Variants in CACNG1 observed in about 807,000 individuals in gnomAD.
CACNG1 encodes the protein calcium voltage-gated channel auxiliary subunit gamma 1.
In CACNG1, 21 loss-of-function variants were observed where a neutral mutation model predicts 22.0. The ratio of observed to expected loss-of-function variants is 0.95; its 90% confidence interval spans 0.68 to 1.37. The LOEUF is 1.37. Among genes scored for constraint, CACNG1 ranks in the 40% most tolerant of loss-of-function variants. The pLI, the probability that CACNG1 is intolerant of heterozygous loss-of-function variation, is 0.00. For missense variants in CACNG1, 291 were observed against 308.6 expected (o/e 0.94, Z 0.43); for synonymous variants, 127 against 129.2 (o/e 0.98, Z 0.12).
chr17:67,056,124 C>G lies in CACNG1; in HGVS notation c.522C>G (p.Ile174Met). ...TTGACAGTGAGGACACCGTCTGGAT[C>G]GAGTACTATTACTCCTGGTCCTTTG... ...RMIDSEDTVW[I>M]EYYYSWSFAC... Residue 174 changes from isoleucine (I) to methionine (M), a missense_variant, in exon 4 of 4, where the codon ATC becomes ATG. Coordinates refer to ENST00000226021, the MANE Select transcript of CACNG1 (RefSeq NM_000727.4). This position sits in a 1 kb window ranked among gnomAD's most constrained non-coding sequence, Gnocchi z 4.3. 1.2e-6 allele frequency: 2 copies of G among 1,613,718 alleles called. No individual in the cohort carries two copies. The highest frequency in any genetic ancestry group is 1.7e-6 in the Non-Finnish European group (2 of 1,179,938).
intron 1 of CACNG1, among the ~76,000 whole-genome samples, chr17:67,053,299 A>G (rs1405287522): frequency 2.6e-5 from 4 of 152,234 alleles, no homozygotes; most frequent in Non-Finnish European, 5.9e-5. Flanking sequence ...AGGGGCCTGG[A>G]GCAGGGTTCC....
chr17:67,050,322 G>T (rs2035721179), intron 1 of CACNG1, among the ~76,000 whole-genome samples: 1 of 152,258 alleles, frequency 6.6e-6, no homozygotes, highest in Non-Finnish European at 1.5e-5. Flanking sequence ...CCATGGAAGA[G>T]CAGTGCTCTG....
At chr17:67,051,297 G>C (rs2035726763) in intron 1 of CACNG1, among the ~76,000 whole-genome samples, 1 of 152,150 alleles carries the variant, frequency 6.6e-6, no homozygotes, top group African/African-American at 2.4e-5. Flanking sequence ...GCACCCTCTT[G>C]AGTAACATGG....
In CACNG1 at chr17:67,056,142, G is replaced by A. The variant is rs2035760195; in HGVS notation, c.540G>A (p.Trp180Ter). The A allele has an allele frequency of 6.2e-7, 1 of 1,613,726 alleles. No individual in the cohort carries two copies. The highest frequency in any genetic ancestry group is 1.7e-5 in the Admixed American group (1 of 59,976). ...DTVWIEYYYSWSFACACAAFI... is the reference protein window; with the variant it reads ...DTVWIEYYYS ...TCTGGATCGAGTACTATTACTCCTG[G>A]TCCTTTGCCTGCGCCTGTGCCGCCT... The change falls in exon 4 of 4, where the codon TGG becomes TGA. Residue 180 changes from tryptophan to a stop codon, truncating the protein, a stop_gained. Coordinates refer to ENST00000226021, the MANE Select transcript of CACNG1 (RefSeq NM_000727.4). LOFTEE classifies it high-confidence loss of function. The surrounding 1 kb of genome is among the most constrained non-coding windows in gnomAD (Gnocchi z 4.3).
At chr17:67,046,908 G>A (rs1487296804) in intron 1 of CACNG1, among the ~76,000 whole-genome samples, 1 of 152,170 alleles carries the variant, frequency 6.6e-6, no homozygotes, top group Non-Finnish European at 1.5e-5. Context: ...TGCCTTCTTA[G>A]CCTAACCAGC....
chr17:67,047,574 C>T (rs1489404087), intron 1 of CACNG1, among the ~76,000 whole-genome samples: 1 of 152,132 alleles, frequency 6.6e-6, no homozygotes, highest in South Asian at 2.1e-4. Context: ...TCCCTGAAAA[C>T]CCCCACTTGA....
chr17:67,046,586 C>T (rs147371076), intron 1 of CACNG1, among the ~76,000 whole-genome samples: 114 of 152,294 alleles, frequency 7.5e-4, no homozygotes, highest in Non-Finnish European at 1.2e-3. Context: ...TCGCATAGCC[C>T]GGATGCCCAT....
In CACNG1 at chr17:67,055,890, T is replaced by C. The variant is rs192848012; in HGVS notation, c.443-155T>C. On this transcript the variant is annotated intron_variant, in intron 3 of 3. Coordinates refer to ENST00000226021, the MANE Select transcript of CACNG1 (RefSeq NM_000727.4). The surrounding 1 kb of genome is among the most constrained non-coding windows in gnomAD (Gnocchi z 4.5). ...AGGAATAGGGTGGTGGGTGGACAAA[T>C]GGATCCTTCTGCAGGTTCCCATCTA... 1.3e-5 allele frequency among the ~76,000 whole-genome samples: 2 copies of C among 152,166 alleles called. No homozygotes were observed. Among genetic ancestry groups the C allele is most frequent in the East Asian group, 1.9e-4 (1 of 5,170 alleles).
chr17:67,053,083 A>G (rs2143416552), intron 1 of CACNG1, among the ~76,000 whole-genome samples: 1 of 152,218 alleles, frequency 6.6e-6, no homozygotes. Context: ...TTGCGTTCCT[A>G]CTGCCCACAG....
chr17:67,048,318 A>AC (rs199648298), intron 1 of CACNG1, among the ~76,000 whole-genome samples: 3,573 of 84,596 alleles, frequency 0.042, 71 homozygotes, highest in Non-Finnish European at 0.058. Flanking sequence ...CAAAAAAAAA[A>AC]AAAAAAACAA....
chr17:67,053,908 G>A (rs186319360), intron 1 of CACNG1, 88 bp from the exon 2 acceptor site: 227 of 925,118 alleles, frequency 2.5e-4, no homozygotes, highest in Non-Finnish European at 3.8e-4. Context: ...CCTGCATGCC[G>A]AGCAGAATGA....
chr17:67,044,910 C>T lies in CACNG1; in HGVS notation c.229+21C>T, dbSNP rs1456667140. On this transcript the variant is annotated intron_variant, in intron 1 of 3. Coordinates refer to ENST00000226021, the MANE Select transcript of CACNG1 (RefSeq NM_000727.4). This position sits in a 1 kb window ranked among gnomAD's most constrained non-coding sequence, Gnocchi z 6.9. ...CGGGGGTAACGTACCCACCCTCCGTCCCGATCCCCACCTCCTGCTCTTCCC... is the reference window on the plus strand; with the variant it reads ...CGGGGGTAACGTACCCACCCTCCGTTCCGATCCCCACCTCCTGCTCTTCCC... 1.3e-6 allele frequency: 2 copies of T among 1,580,756 alleles called. No individual in the cohort carries two copies. The highest frequency in any genetic ancestry group is 4.5e-5 in the East Asian group (2 of 44,260).
At chr17:67,051,848 G>C (rs1212049951) in intron 1 of CACNG1, among the ~76,000 whole-genome samples, 1 of 152,232 alleles carries the variant, frequency 6.6e-6, no homozygotes, top group African/African-American at 2.4e-5. Context: ...CAACCCACCA[G>C]GTGCAAACAG....
Position 67,054,989 on chromosome 17 carries a change from A to ACACACACAC in CACNG1, c.305-114_305-113insCACACACAC. ...AGAGACACACACTTGACACACACACAATGACACACACAGACACTGACACAC... is the reference window on the plus strand; with the variant it reads ...AGAGACACACACTTGACACACACACACACACACACATGACACACACAGACACTGACACAC... On this transcript the variant is annotated intron_variant, in intron 2 of 3. Coordinates refer to ENST00000226021, the MANE Select transcript of CACNG1 (RefSeq NM_000727.4). This position sits in a 1 kb window ranked among gnomAD's most constrained non-coding sequence, Gnocchi z 4.6. 4.1e-6 allele frequency: 1 copy of ACACACACAC among 246,740 alleles called. No homozygotes were observed. The highest frequency in any genetic ancestry group is 5.5e-6 in the Non-Finnish European group (1 of 180,450). The allele number at this position is 246,740 out of a possible 1,614,324, so 15.3% of individuals were successfully genotyped here.
In CACNG1 at chr17:67,056,183, T is replaced by A; in HGVS notation, c.581T>A (p.Leu194His). ...CACAAFILLFLGGLALLLFSL... is the reference protein window; with the variant it reads ...CACAAFILLFHGGLALLLFSL... ...TGTGCCGCCTTCATCCTCCTCTTTC[T>A]CGGCGGTCTCGCCCTCCTGCTGTTC... The change falls in exon 4 of 4, where the codon CTC (leucine) becomes CAC (histidine). Residue 194 changes from leucine to histidine, a missense_variant. Leu to His is a moderately conservative substitution (Grantham distance 99). Coordinates refer to ENST00000226021, the MANE Select transcript of CACNG1 (RefSeq NM_000727.4). This position sits in a 1 kb window ranked among gnomAD's most constrained non-coding sequence, Gnocchi z 4.3. The A allele has an allele frequency of 6.2e-7, 1 of 1,613,824 alleles. No individual in the cohort carries two copies. The highest frequency in any genetic ancestry group is 8.5e-7 in the Non-Finnish European group (1 of 1,179,966).
Position 67,044,943 on chromosome 17 carries a change from C to A in CACNG1, c.229+54C>A. The A allele has an allele frequency of 6.8e-7, 1 of 1,468,532 alleles. No individual in the cohort carries two copies. Among genetic ancestry groups the A allele is most frequent in the South Asian group, 1.2e-5 (1 of 83,718 alleles). 91.0% of individuals were successfully genotyped at this position (1,468,532 alleles called of 1,614,324 possible). Reference sequence around the variant, plus strand: ...CCACCTCCTGCTCTTCCCCGTCATCCCCCTGGCAAAGTTGCCCTTGCGAAG... The same window carrying A: ...CCACCTCCTGCTCTTCCCCGTCATCACCCTGGCAAAGTTGCCCTTGCGAAG... On this transcript the variant is annotated intron_variant, in intron 1 of 3. Coordinates refer to ENST00000226021, the MANE Select transcript of CACNG1 (RefSeq NM_000727.4). The surrounding 1 kb of genome is among the most constrained non-coding windows in gnomAD (Gnocchi z 6.9).
At position 67,044,974 on chromosome 17, in the gene CACNG1, C is replaced by A; in HGVS notation, c.229+85C>A. Reference sequence around the variant, plus strand: ...GCAAAGTTGCCCTTGCGAAGGAAGGCAGGTTTCTCTGCCTAGAAATAGGGC... The same window carrying A: ...GCAAAGTTGCCCTTGCGAAGGAAGGAAGGTTTCTCTGCCTAGAAATAGGGC... On this transcript the variant is annotated intron_variant, in intron 1 of 3. Coordinates refer to ENST00000226021, the MANE Select transcript of CACNG1 (RefSeq NM_000727.4). The surrounding 1 kb of genome is among the most constrained non-coding windows in gnomAD (Gnocchi z 6.9). 9.0e-7 allele frequency: 1 copy of A among 1,114,612 alleles called. No homozygotes were observed. Among genetic ancestry groups the A allele is most frequent in the Non-Finnish European group, 1.3e-6 (1 of 769,556 alleles). The allele number at this position is 1,114,612 out of a possible 1,614,324, so 69.0% of individuals were successfully genotyped here. A position where few individuals can be genotyped will look rare whatever the true frequency, so the allele number is the denominator to read the frequency against.
chr17:67,053,365 A>G (rs1208147383), intron 1 of CACNG1, among the ~76,000 whole-genome samples: 3 of 152,232 alleles, frequency 2.0e-5, no homozygotes, highest in African/African-American at 4.8e-5. Context: ...ACTGTTTCCC[A>G]GGTCCCACCA....
At position 67,055,948 on chromosome 17, in the gene CACNG1, C is replaced by A. The variant is rs1351565161; in HGVS notation, c.443-97C>A. 1 of 969,686 alleles carries A rather than the reference C, an allele frequency of 1.0e-6. No individual in the cohort carries two copies. The highest frequency in any genetic ancestry group is 2.4e-5 in the East Asian group (1 of 40,878). The allele number at this position is 969,686 out of a possible 1,614,324, so 60.1% of individuals were successfully genotyped here. On this transcript the variant is annotated intron_variant, in intron 3 of 3. Transcript: ENST00000226021. The surrounding 1 kb of genome is among the most constrained non-coding windows in gnomAD (Gnocchi z 4.5). ...CCTTGAGGCAGCTTTTCCCCCAAGG[C>A]AAGGTCACCGCCTCCTCCATGCACA...
Sources: gnomAD v4.1 joint callset for allele counts (sites outside exome capture counted in the v4.1 genomes callset) on GRCh38, gnomAD v4.1.1 for gene constraint, Gnocchi (gnomAD v3.1) non-coding constraint, MANE v1.5 for transcripts, NCBI Gene and HGNC (gene_info 2026-07-23, HGNC 2026-07-21) for gene names.